ZNF521: variants seen among roughly 807,000 people sequenced by gnomAD.
ZNF521 encodes the protein LYST-interacting protein 3.
Under a neutral mutation model 105.5 loss-of-function variants are expected in ZNF521, and 14 were observed. That is an observed-to-expected ratio of 0.13 (90% CI 0.09 to 0.21). ZNF521 has a LOEUF of 0.21. Ranked by LOEUF, ZNF521 falls within the 10% of genes least tolerant of loss-of-function variation. The pLI is 1.00. For missense variants in ZNF521, 1,233 were observed against 1,629.7 expected (o/e 0.76, Z 4.19); for synonymous variants, 635 against 606.0 (o/e 1.05, Z -0.70).
At chr18:25,100,882 A>T (rs1191991212) in intron 5 of ZNF521, among the ~76,000 whole-genome samples, 1 of 152,154 alleles carries the variant, frequency 6.6e-6, no homozygotes, top group Non-Finnish European at 1.5e-5. Flanking sequence ...AATTAAGGCC[A>T]CTAGTTTTAT....
At chr18:25,218,512 C>T (rs970748137) in intron 4 of ZNF521, among the ~76,000 whole-genome samples, 2 of 142,648 alleles carry the variant, frequency 1.4e-5, no homozygotes, top group South Asian at 4.5e-4. Flanking sequence ...AAAAAATTAG[C>T]TGGACATGTG....
Position 25,226,896 on chromosome 18 carries a change from C to A in ZNF521, c.1022G>T (p.Ser341Ile), listed in dbSNP as rs756145366. 6.2e-7 allele frequency: 1 copy of A among 1,613,798 alleles called. No individual in the cohort carries two copies. The highest frequency in any genetic ancestry group is 2.2e-5 in the East Asian group (1 of 44,828). Residue 341 changes from serine to isoleucine, a missense_variant, in exon 4 of 8, where the codon AGC becomes ATC. By Grantham distance (142) the Ser-to-Ile change is moderately radical. This residue lies in a region of ZNF521 where 380 missense variants were observed against 478.0 expected (regional missense o/e 0.80). Coordinates refer to ENST00000361524, the MANE Select transcript of ZNF521 (RefSeq NM_015461.3). This position sits in a 1 kb window ranked among gnomAD's most constrained non-coding sequence, Gnocchi z 4.1. ...SHQQPESCNH[S>I]NSPSLVTVGY... ...CACCGTGACCAGGGAAGGGCTGTTGCTGTGATTGCATGACTCCGGTTGCTG... is the reference window on the plus strand; with the variant it reads ...CACCGTGACCAGGGAAGGGCTGTTGATGTGATTGCATGACTCCGGTTGCTG...
At chr18:25,305,220 AC>A (rs1220314865) in intron 3 of ZNF521, among the ~76,000 whole-genome samples, 1 of 152,230 alleles carries the variant, frequency 6.6e-6, no homozygotes, top group Non-Finnish European at 1.5e-5. Flanking sequence ...CATGATGCTT[AC>A]GCTTGCCTAC....
chr18:25,228,078 C>T (rs998129825), intron 3 of ZNF521, among the ~76,000 whole-genome samples: 1 of 152,062 alleles, frequency 6.6e-6, no homozygotes, highest in Non-Finnish European at 1.5e-5. Flanking sequence ...ATTATGTGAG[C>T]ATCTGAAGAA....
intron 3 of ZNF521, among the ~76,000 whole-genome samples, chr18:25,241,230 C>T (rs1387550034): frequency 6.6e-6 from 1 of 152,294 alleles, no homozygotes; most frequent in Non-Finnish European, 1.5e-5. Context: ...ATGGAATCCT[C>T]GTCCAAACGG....
intron 3 of ZNF521, among the ~76,000 whole-genome samples, chr18:25,295,476 T>C (rs1911273175): frequency 6.6e-6 from 1 of 152,156 alleles, no homozygotes; most frequent in South Asian, 2.1e-4. Flanking sequence ...TATAACTGGA[T>C]TGTCTGTAAC....
intron 5 of ZNF521, among the ~76,000 whole-genome samples, chr18:25,097,183 T>C (rs758975434): frequency 3.2e-4 from 48 of 151,910 alleles, no homozygotes; most frequent in Non-Finnish European, 6.3e-4. Flanking sequence ...AGTAGAAAAA[T>C]AGGCAGACTG....
intron 2 of ZNF521, among the ~76,000 whole-genome samples, chr18:25,349,120 G>C (rs1203253936): frequency 2.0e-5 from 3 of 151,854 alleles, no homozygotes; most frequent in Non-Finnish European, 4.4e-5. Flanking sequence ...AAGCTTCTTG[G>C]AGCCCTTTCC....
At chr18:25,339,643 A>G (rs985184880) in intron 2 of ZNF521, among the ~76,000 whole-genome samples, 2 of 152,218 alleles carry the variant, frequency 1.3e-5, no homozygotes, top group Admixed American at 1.3e-4. Context: ...CAACTGGCTG[A>G]ATTAATGCAT....
chr18:25,332,179 T>A (rs1325865497), intron 2 of ZNF521, among the ~76,000 whole-genome samples: 1 of 151,968 alleles, frequency 6.6e-6, no homozygotes, highest in Non-Finnish European at 1.5e-5. Flanking sequence ...TTTTTTTCTT[T>A]TCTAAGTGGA....
At chr18:25,203,429 C>T (rs146261020) in intron 4 of ZNF521, among the ~76,000 whole-genome samples, 4 of 152,200 alleles carry the variant, frequency 2.6e-5, no homozygotes, top group South Asian at 4.2e-4. Context: ...CTAGTCTGGG[C>T]AAGGTAGCAA....
At chr18:25,209,192 C>T (rs1035778289) in intron 4 of ZNF521, among the ~76,000 whole-genome samples, 16 of 151,696 alleles carry the variant, frequency 1.1e-4, no homozygotes, top group Admixed American at 3.3e-4. Context: ...AGTGCAGTGG[C>T]GCGATCTTGG....
chr18:25,267,936 C>T (rs1449014941), intron 3 of ZNF521, among the ~76,000 whole-genome samples: 2 of 152,120 alleles, frequency 1.3e-5, no homozygotes, highest in Non-Finnish European at 2.9e-5. Context: ...ATGAGTTTCA[C>T]AAATTGACAG....
At chr18:25,269,621 T>G (rs1909507608) in intron 3 of ZNF521, among the ~76,000 whole-genome samples, 1 of 152,138 alleles carries the variant, frequency 6.6e-6, no homozygotes, top group South Asian at 2.1e-4. Flanking sequence ...AAATTAGAAC[T>G]CAGAATTAAG....
intron 3 of ZNF521, among the ~76,000 whole-genome samples, chr18:25,294,540 A>G (rs1911214007): frequency 6.6e-6 from 1 of 152,110 alleles, no homozygotes; most frequent in Admixed American, 6.5e-5. Flanking sequence ...CTCTTTTTGC[A>G]TAATTGCCTT....
chr18:25,333,243 A>C (rs1913681634), intron 2 of ZNF521, among the ~76,000 whole-genome samples: 1 of 150,722 alleles, frequency 6.6e-6, no homozygotes, highest in Admixed American at 6.6e-5. Flanking sequence ...ACCTATATTT[A>C]TTTGTTTTGC....
At chr18:25,325,644 G>A (rs1384171321) in intron 2 of ZNF521, among the ~76,000 whole-genome samples, 2 of 152,086 alleles carry the variant, frequency 1.3e-5, no homozygotes, top group Non-Finnish European at 2.9e-5. Flanking sequence ...AAATGATGCT[G>A]CGCAAACATG....
chr18:25,088,470 C>T (rs1187326222), intron 7 of ZNF521, among the ~76,000 whole-genome samples: 3 of 151,944 alleles, frequency 2.0e-5, no homozygotes, highest in East Asian at 1.9e-4. Flanking sequence ...CCTCCCACCT[C>T]GGCCTCCCAA....
At chr18:25,072,363 G>A (rs958060999) in intron 7 of ZNF521, among the ~76,000 whole-genome samples, 3 of 152,148 alleles carry the variant, frequency 2.0e-5, no homozygotes, top group Non-Finnish European at 2.9e-5. Flanking sequence ...GACGTCATAC[G>A]TGGGAAATGT....
Sources: allele counts gnomAD v4.1 joint callset (sites outside exome capture counted in the v4.1 genomes callset), GRCh38; gene constraint gnomAD v4.1.1; regional missense constraint gnomAD v4.1.1; non-coding constraint Gnocchi (gnomAD v3.1); transcripts MANE v1.5; gene names NCBI Gene and HGNC (gene_info 2026-07-23, HGNC 2026-07-21).